Variants in RASGEF1A observed in about 807,000 individuals in gnomAD.
RASGEF1A encodes RasGEF domain family member 1A, also known as ras-GEF domain-containing family member 1A.
A neutral mutation model predicts 56.4 loss-of-function variants in RASGEF1A; 18 were observed. The observed-to-expected ratio is 0.32, with a 90% confidence interval of 0.22 to 0.47. RASGEF1A has a LOEUF of 0.47. RASGEF1A is among the 20% of genes least tolerant of loss of function. The pLI is 1.00. For missense variants in RASGEF1A, 422 were observed against 627.1 expected (o/e 0.67, Z 3.49); for synonymous variants, 245 against 242.6 (o/e 1.01, Z -0.09).
At chr10:43,265,997 C>A (rs907671013) in intron 1 of RASGEF1A, among the ~76,000 whole-genome samples, 1 of 152,214 alleles carries the variant, frequency 6.6e-6, no homozygotes, top group South Asian at 2.1e-4. Flanking sequence ...AAGCTCACTG[C>A]TCTGAGCAGG....
chr10:43,199,620 G>T (rs1373633250), intron 7 of RASGEF1A, 56 bp downstream of exon 7: 9 of 1,356,972 alleles, frequency 6.6e-6, no homozygotes, highest in Admixed American at 5.1e-5. Context: ...CAAGATCAGG[G>T]TCTCACTGGG....
At chr10:43,262,025 A>G (rs1464309837) in intron 1 of RASGEF1A, among the ~76,000 whole-genome samples, 1 of 152,150 alleles carries the variant, frequency 6.6e-6, no homozygotes, top group Admixed American at 6.5e-5. Flanking sequence ...CCAGTGCCCC[A>G]GCTGTGGCTG....
intron 1 of RASGEF1A, among the ~76,000 whole-genome samples, chr10:43,223,491 C>T (rs1840235242): frequency 6.6e-6 from 1 of 152,156 alleles, no homozygotes; most frequent in Non-Finnish European, 1.5e-5. Context: ...GCTGTACTCA[C>T]AGAAAAGTTC....
In RASGEF1A at chr10:43,195,815, C is replaced by T. The variant is rs1165470598; in HGVS notation, c.*429G>A. 6.4e-6 allele frequency: 1 copy of T among 156,564 alleles called. No individual in the cohort carries two copies. Among genetic ancestry groups the T allele is most frequent in the South Asian group, 1.9e-4 (1 of 5,220 alleles). The allele number at this position is 156,564 out of a possible 1,614,324, so 9.7% of individuals were successfully genotyped here. ...AAACCACAGAGCAGGAAGACCAGAC[C>T]CCAGTACCCTCTAAGGCACTAACCC... On this transcript the variant is annotated 3_prime_UTR_variant, in exon 13 of 13. Transcript: ENST00000395810. The surrounding 1 kb of genome is among the most constrained non-coding windows in gnomAD (Gnocchi z 4.2).
intron 1 of RASGEF1A, chr10:43,206,612 G>T (rs183453302): frequency 1.0e-6 from 1 of 992,030 alleles, no homozygotes; most frequent in Admixed American, 5.7e-5. Flanking sequence ...ACTCAGGGCC[G>T]GACACACAGG....
chr10:43,201,152 G>A (rs926436269), intron 4 of RASGEF1A, among the ~76,000 whole-genome samples: 4 of 152,202 alleles, frequency 2.6e-5, no homozygotes, highest in African/African-American at 9.6e-5. Flanking sequence ...TGAGCTTCTG[G>A]GTCTGAAAAG....
chr10:43,203,376 C>A lies in RASGEF1A; in HGVS notation c.243G>T (p.Met81Ile). Reference protein sequence around the residue: ...FTFLLSSRVFMPPHDLLARVG... With the variant: ...FTFLLSSRVFIPPHDLLARVG... ...CGCGGGCCAGCAGGTCATGAGGGGG[C>A]ATAAAGACCCGGGAGCTCAGGAGAA... Residue 81 changes from methionine (M) to isoleucine (I), a missense_variant, in exon 3 of 13, where the codon ATG (methionine) becomes ATT (isoleucine). Coordinates refer to ENST00000395810, the MANE Select transcript of RASGEF1A (RefSeq NM_145313.4). 1.3e-6 allele frequency: 2 copies of A among 1,587,920 alleles called. No individual in the cohort carries two copies. The highest frequency in any genetic ancestry group is 2.3e-5 in the East Asian group (1 of 43,634).
At chr10:43,257,247 G>A (rs1010927698) in intron 1 of RASGEF1A, among the ~76,000 whole-genome samples, 2 of 152,206 alleles carry the variant, frequency 1.3e-5, no homozygotes, top group East Asian at 1.9e-4. Context: ...GCCACTTCTC[G>A]TTATCAGCAC....
At chr10:43,210,710 G>A (rs1046398792) in intron 1 of RASGEF1A, among the ~76,000 whole-genome samples, 4 of 152,214 alleles carry the variant, frequency 2.6e-5, no homozygotes, top group African/African-American at 7.2e-5. Flanking sequence ...AGCAGACCCT[G>A]TGAAGGGCTC....
chr10:43,208,929 C>T, intron 1 of RASGEF1A: 6 of 985,578 alleles, frequency 6.1e-6, no homozygotes, highest in Non-Finnish European at 7.2e-6. Flanking sequence ...GGCCAGCCCT[C>T]CACCTTCCCA....
At chr10:43,203,770 T>C in intron 2 of RASGEF1A, 1 of 1,043,576 alleles carries the variant, frequency 9.6e-7, no homozygotes, top group Non-Finnish European at 1.2e-6. Flanking sequence ...TGCGCCAGGA[T>C]GCAAGCCAGC....
chr10:43,240,401 A>G (rs1840486426), intron 1 of RASGEF1A, among the ~76,000 whole-genome samples: 1 of 152,248 alleles, frequency 6.6e-6, no homozygotes, highest in South Asian at 2.1e-4. Flanking sequence ...TGACTTACTA[A>G]ACAAAAACTT....
chr10:43,254,485 T>G (rs1840665041), intron 1 of RASGEF1A, among the ~76,000 whole-genome samples: 1 of 152,220 alleles, frequency 6.6e-6, no homozygotes, highest in South Asian at 2.1e-4. Context: ...TGGTCCTGCC[T>G]GCCCTCTCCA....
At position 43,195,464 on chromosome 10, in the gene RASGEF1A, C is replaced by CT. The variant is rs1839782674; in HGVS notation, c.*779dup. 6.6e-6 allele frequency: 1 copy of CT among 152,252 alleles called. No individual in the cohort carries two copies. The highest frequency in any genetic ancestry group is 2.1e-4 in the South Asian group (1 of 4,838). 9.4% of individuals were successfully genotyped at this position (152,252 alleles called of 1,614,324 possible). On this transcript the variant is annotated 3_prime_UTR_variant, in exon 13 of 13. Transcript: ENST00000395810. The surrounding 1 kb of genome is among the most constrained non-coding windows in gnomAD (Gnocchi z 4.2). ...TTTTCTTCATCACAGCTCAGTGTGTCTTTCAGTCACAGCCCAGAAAACTGA... is the reference window on the plus strand; with the variant it reads ...TTTTCTTCATCACAGCTCAGTGTGTCTTTTCAGTCACAGCCCAGAAAACTGA...
rs761578273 is a variant in RASGEF1A at position 43,221,189 on chromosome 10, T to A, written c.-6-15067A>T. On this transcript the variant is annotated intron_variant, in intron 1 of 12. Coordinates refer to ENST00000395810, the MANE Select transcript of RASGEF1A (RefSeq NM_145313.4). ...GGGCAATCAGCAGCTGGTCTCCCCA[T>A]CCCCCGACACTGTGGTTCGCTCCCG... 1.2e-4 allele frequency among the ~76,000 whole-genome samples: 18 copies of A among 152,100 alleles called. No homozygotes were observed. The South Asian group carries it at 3.7e-3, about 32-fold the overall frequency.
Position 43,203,743 on chromosome 10 carries a change from G to C in RASGEF1A, c.199-323C>G. On this transcript the variant is annotated intron_variant, in intron 2 of 12. Transcript: ENST00000395810. ...TAACCCCAGCCTGGGACGTTGGTAG[G>C]GCTCCATGGTGCTCGCTGCGCCAGG... The C allele has an allele frequency of 3.7e-6, 4 of 1,091,430 alleles. No homozygotes were observed. In the South Asian group the frequency reaches 1.0e-4, roughly 28 times the overall value. 67.6% of individuals were successfully genotyped at this position (1,091,430 alleles called of 1,614,324 possible). A position where few individuals can be genotyped will look rare whatever the true frequency, so the allele number is the denominator to read the frequency against.
chr10:43,236,530 T>A (rs372634963), intron 1 of RASGEF1A, among the ~76,000 whole-genome samples: 4 of 152,358 alleles, frequency 2.6e-5, no homozygotes, highest in Admixed American at 2.6e-4. Context: ...ACCAAAAGTC[T>A]AATCAGGGTG....
At chr10:43,250,644 G>GT (rs1840617870) in intron 1 of RASGEF1A, among the ~76,000 whole-genome samples, 1 of 151,306 alleles carries the variant, frequency 6.6e-6, no homozygotes, top group South Asian at 2.1e-4. Flanking sequence ...GAAGGGGAAG[G>GT]GGGGGGTCAG....
At chr10:43,238,210 G>A (rs926319707) in intron 1 of RASGEF1A, among the ~76,000 whole-genome samples, 11 of 151,964 alleles carry the variant, frequency 7.2e-5, no homozygotes, top group Non-Finnish European at 1.5e-4. Context: ...GGTCTTCAGG[G>A]GAGTTAGCCG....
Sources: gnomAD v4.1 joint callset for allele counts (sites outside exome capture counted in the v4.1 genomes callset) on GRCh38, gnomAD v4.1.1 for gene constraint, Gnocchi (gnomAD v3.1) non-coding constraint, MANE v1.5 for transcripts, NCBI Gene and HGNC (gene_info 2026-07-23, HGNC 2026-07-21) for gene names.